Variants in MED15 observed in about 807,000 individuals in gnomAD.
MED15 encodes the protein mediator of RNA polymerase II transcription subunit 15.
Under a neutral mutation model 118.7 loss-of-function variants are expected in MED15, and 41 were observed. That is an observed-to-expected ratio of 0.35 (90% CI 0.27 to 0.45). The LOEUF is 0.45. MED15 is among the 20% of genes least tolerant of loss of function. The probability of loss-of-function intolerance (pLI) is 1.00; values close to 1 mark genes in which losing one functional copy is unlikely to be tolerated. For synonymous variants in MED15, 436 were observed against 413.9 expected, an observed-to-expected ratio of 1.05 and a Z score of -0.65; for missense variants, 740 against 1,025.5, an observed-to-expected ratio of 0.72 and a Z score of 3.80.
At chr22:20,532,226 A>G (rs939423859) in intron 1 of MED15, among the ~76,000 whole-genome samples, 4 of 152,186 alleles carry the variant, frequency 2.6e-5, no homozygotes, top group African/African-American at 9.7e-5. Context: ...AAAGATTTGA[A>G]CTTTGGAGAA....
chr22:20,508,352 G>T (rs1325681277), intron 1 of MED15: 1 of 1,304,298 alleles, frequency 7.7e-7, no homozygotes, highest in Admixed American at 2.3e-5. Context: ...GCCCCGCTCA[G>T]AGGAACTCTA....
At position 20,583,650 on chromosome 22, in the gene MED15, C is replaced by A. The variant is rs1048896727; in HGVS notation, c.1736+257C>A. 2.5e-4 allele frequency: 124 copies of A among 488,668 alleles called. 1 individual carries two copies. In the Middle Eastern group the frequency reaches 4.7e-3, roughly 19 times the overall value. The allele number at this position is 488,668 out of a possible 1,614,324, so 30.3% of individuals were successfully genotyped here. A position where few individuals can be genotyped will look rare whatever the true frequency, so the allele number is the denominator to read the frequency against. On this transcript the variant is annotated intron_variant, in intron 13 of 17. Coordinates refer to ENST00000263205, the MANE Select transcript of MED15 (RefSeq NM_001003891.3). Reference sequence around the variant, plus strand: ...TGGGCCATCACAGCCAGACCTCATCCAGTCAGCAGCCAGGGGCCCAGCTTG... The same window carrying A: ...TGGGCCATCACAGCCAGACCTCATCAAGTCAGCAGCCAGGGGCCCAGCTTG...
At position 20,538,993 on chromosome 22, in the gene MED15, A is replaced by G. The variant is rs573629982; in HGVS notation, c.156+1789A>G. On this transcript the variant is annotated intron_variant, in intron 2 of 17. Coordinates refer to ENST00000263205, the MANE Select transcript of MED15 (RefSeq NM_001003891.3). ...AGGGATTACAGGCATGAGCCACCGC[A>G]CCCAGCCACGTACAATATATGTTTT... 6.6e-5 allele frequency among the ~76,000 whole-genome samples: 10 copies of G among 151,884 alleles called. No homozygotes were observed. In the South Asian group the frequency reaches 1.9e-3, roughly 29 times the overall value.
At chr22:20,559,048 C>T (rs148606222) in intron 5 of MED15, among the ~76,000 whole-genome samples, 183 of 152,114 alleles carry the variant, frequency 1.2e-3, no homozygotes, top group African/African-American at 4.1e-3. Flanking sequence ...CCTGGCTACT[C>T]GGGAGGCTAA....
rs6001928 is a variant in MED15 at position 20,544,393 on chromosome 22, C to T, written c.157-7043C>T. Among the ~76,000 whole-genome samples, 414 of 152,250 alleles carry T rather than the reference C, an allele frequency of 2.7e-3. 1 individual carries two copies. The highest frequency in any genetic ancestry group is 8.5e-3 in the African/African-American group (354 of 41,550). Reference sequence around the variant, plus strand: ...AAAGAACAGAAATTTAGGCCGGGTGCGGTGGCTCACGCCTGTAATCCCAGC... The same window carrying T: ...AAAGAACAGAAATTTAGGCCGGGTGTGGTGGCTCACGCCTGTAATCCCAGC... On this transcript the variant is annotated intron_variant, in intron 2 of 17. Coordinates refer to ENST00000263205, the MANE Select transcript of MED15 (RefSeq NM_001003891.3).
intron 1 of MED15, among the ~76,000 whole-genome samples, chr22:20,521,288 GGTTTTGC>G (rs2146370164): frequency 6.6e-6 from 1 of 151,514 alleles, no homozygotes; most frequent in South Asian, 2.1e-4. Flanking sequence ...GTAGAGACTG[GGTTTTGC>G]CATGTTGGCC....
At chr22:20,559,952 T>C (rs2056169105) in intron 5 of MED15, among the ~76,000 whole-genome samples, 1 of 152,146 alleles carries the variant, frequency 6.6e-6, no homozygotes. Context: ...TGTATAAATC[T>C]AAAGCAGTGA....
At chr22:20,511,909 G>A (rs2054078382) in intron 1 of MED15, among the ~76,000 whole-genome samples, 1 of 108,536 alleles carries the variant, frequency 9.2e-6, no homozygotes. Flanking sequence ...CCCTCACCCT[G>A]ACCTGGTATA....
chr22:20,551,213 T>G lies in MED15; in HGVS notation c.157-223T>G, dbSNP rs533098658. 1.8e-3 allele frequency: 1,221 copies of G among 684,196 alleles called. 9 individuals are homozygous for G. The highest frequency in any genetic ancestry group is 1.6e-3 in the Non-Finnish European group (563 of 363,110). 42.4% of individuals were successfully genotyped at this position (684,196 alleles called of 1,614,324 possible). A position where few individuals can be genotyped will look rare whatever the true frequency, so the allele number is the denominator to read the frequency against. ...GGAGAGGAGTGGCCGTTGGAGGCTC[T>G]CTGTCCCCTTCTTGTTTCTTTGTGC... On this transcript the variant is annotated intron_variant, in intron 2 of 17. Coordinates refer to ENST00000263205, the MANE Select transcript of MED15 (RefSeq NM_001003891.3).
At chr22:20,574,817 G>A (rs984930798) in intron 8 of MED15, 25 of 341,756 alleles carry the variant, frequency 7.3e-5, no homozygotes, top group Admixed American at 3.9e-5. Context: ...ATCTGTTAGC[G>A]AGGTGTGTTC....
Position 20,583,383 on chromosome 22 carries a change from C to T in MED15, c.1726C>T (p.Pro576Ser). The change falls in exon 13 of 18, where the codon CCC becomes TCC. Residue 576 changes from proline to serine, a missense_variant. Pro to Ser is a moderately conservative substitution (Grantham distance 74). Transcript: ENST00000263205. ...GAGCCTTCTGGACATTCTGACAGAC[C>T]CCTCGAAGCGGTGAGCTTTGCCCAC... ...MKSLLDILTD[P>S]SKRCPLKTLQ... 4.3e-6 allele frequency: 7 copies of T among 1,611,844 alleles called. No individual in the cohort carries two copies. The highest frequency in any genetic ancestry group is 5.9e-6 in the Non-Finnish European group (7 of 1,180,018).
chr22:20,546,129 C>T (rs1046449440), intron 2 of MED15, among the ~76,000 whole-genome samples: 1 of 152,130 alleles, frequency 6.6e-6, no homozygotes. Flanking sequence ...AGGATCCAAA[C>T]GAGGGTCTTT....
intron 1 of MED15, among the ~76,000 whole-genome samples, chr22:20,511,833 G>C (rs1269703498): frequency 6.6e-6 from 1 of 152,024 alleles, no homozygotes; most frequent in African/African-American, 2.4e-5. Flanking sequence ...CCACTGCCCT[G>C]CTGCAGAACA....
intron 9 of MED15, among the ~76,000 whole-genome samples, chr22:20,580,995 C>T (rs138941716): frequency 6.6e-6 from 1 of 152,334 alleles, no homozygotes; most frequent in East Asian, 1.9e-4. Context: ...GGTGTCTTGA[C>T]CACAAAGCAG....
At chr22:20,526,080 T>G (rs1027443415) in intron 1 of MED15, among the ~76,000 whole-genome samples, 7 of 151,978 alleles carry the variant, frequency 4.6e-5, no homozygotes, top group Non-Finnish European at 7.4e-5. Context: ...CCACTATGAC[T>G]GGCTAAGTTT....
chr22:20,532,939 A>G (rs1377870083), intron 1 of MED15, among the ~76,000 whole-genome samples: 1 of 151,584 alleles, frequency 6.6e-6, no homozygotes, highest in Non-Finnish European at 1.5e-5. Context: ...TGTGCTCCTT[A>G]CTCCATGTTG....
chr22:20,542,250 C>T (rs533900719), intron 2 of MED15, among the ~76,000 whole-genome samples: 2 of 152,290 alleles, frequency 1.3e-5, no homozygotes, highest in African/African-American at 4.8e-5. Context: ...AACATGTCCA[C>T]ACAAAAATAT....
chr22:20,553,497 G>A (rs982268517), intron 4 of MED15, among the ~76,000 whole-genome samples: 1 of 152,196 alleles, frequency 6.6e-6, no homozygotes, highest in Non-Finnish European at 1.5e-5. Context: ...TTATTATGCT[G>A]TTTTCAGTGT....
At chr22:20,530,396 G>T (rs922432098) in intron 1 of MED15, among the ~76,000 whole-genome samples, 1 of 152,164 alleles carries the variant, frequency 6.6e-6, no homozygotes, top group Non-Finnish European at 1.5e-5. Context: ...AACATAAATC[G>T]GCTGAGAGGA....
Sources: allele counts gnomAD v4.1 joint callset (sites outside exome capture counted in the v4.1 genomes callset), GRCh38; gene constraint gnomAD v4.1.1; transcripts MANE v1.5; gene names NCBI Gene and HGNC (gene_info 2026-07-23, HGNC 2026-07-21).